The following FAM168A variants were observed in gnomAD, a reference collection of about 807,000 sequenced individuals.
FAM168A encodes the protein family with sequence similarity 168 member A.
Under a neutral mutation model 28.5 loss-of-function variants are expected in FAM168A, and 3 were observed. The ratio of observed to expected loss-of-function variants is 0.11; its 90% CI spans 0.05 to 0.27. The LOEUF is 0.27. Ranked by LOEUF, FAM168A falls within the 10% of genes least tolerant of loss-of-function variation. The pLI is 1.00. For synonymous variants in FAM168A, 122 were observed against 124.2 expected (o/e 0.98, Z 0.12); for missense variants, 222 against 311.5 (o/e 0.71, Z 2.16).
At chr11:73,550,101 C>A (rs1212353720) in intron 1 of FAM168A, among the ~76,000 whole-genome samples, 1 of 152,182 alleles carries the variant, frequency 6.6e-6, no homozygotes, top group African/African-American at 2.4e-5. Flanking sequence ...CCTCAGAATG[C>A]TCTTTATATT....
chr11:73,548,305 A>G (rs986152634), intron 1 of FAM168A, among the ~76,000 whole-genome samples: 1 of 148,876 alleles, frequency 6.7e-6, no homozygotes, highest in African/African-American at 2.6e-5. Context: ...TGAAATAGGA[A>G]GTAAGATGAT....
Position 73,402,095 on chromosome 11 carries a change from C to A in FAM168A, c.*4668G>T, listed in dbSNP as rs1866422973. 2 of 152,278 alleles carry A rather than the reference C, an allele frequency of 1.3e-5. No individual in the cohort carries two copies. Among genetic ancestry groups the A allele is most frequent in the Admixed American group, 6.5e-5 (1 of 15,294 alleles). 9.4% of individuals were successfully genotyped at this position (152,278 alleles called of 1,614,324 possible). On this transcript the variant is annotated 3_prime_UTR_variant, in exon 8 of 8. Transcript: ENST00000356467. Reference sequence around the variant, plus strand: ...GGTGGGTCCCAACTGGCCCACTCTACTACTGCCCCTCTCTGGATTCCCAAG... The same window carrying A: ...GGTGGGTCCCAACTGGCCCACTCTAATACTGCCCCTCTCTGGATTCCCAAG...
intron 2 of FAM168A, among the ~76,000 whole-genome samples, chr11:73,443,121 G>A (rs547989038): frequency 6.6e-6 from 1 of 151,298 alleles, no homozygotes; most frequent in South Asian, 2.1e-4. Flanking sequence ...TCATCCCAAA[G>A]CCTGTATCCT....
intron 6 of FAM168A, 55 bp downstream of exon 6, chr11:73,409,432 C>T: frequency 6.2e-7 from 1 of 1,603,516 alleles, no homozygotes; most frequent in African/African-American, 1.3e-5. Flanking sequence ...GTTCTCTGCT[C>T]CGTTTTGAGT....
intron 4 of FAM168A, among the ~76,000 whole-genome samples, chr11:73,413,163 C>T (rs10898919): frequency 7.2e-5 from 11 of 152,108 alleles, no homozygotes; most frequent in Admixed American, 5.9e-4. Flanking sequence ...TGGCTTAGCA[C>T]CCCCCTGCCC....
At chr11:73,433,201 C>T (rs1867027706) in intron 2 of FAM168A, among the ~76,000 whole-genome samples, 1 of 145,130 alleles carries the variant, frequency 6.9e-6, no homozygotes, top group East Asian at 2.1e-4. Flanking sequence ...GCTGGGATTA[C>T]AGGGCATTTT....
At position 73,401,043 on chromosome 11, in the gene FAM168A, T is replaced by G. The variant is rs1316152065; in HGVS notation, c.*5720A>C. 4.6e-5 allele frequency: 7 copies of G among 151,488 alleles called. No individual in the cohort carries two copies. Among genetic ancestry groups the G allele is most frequent in the Admixed American group, 1.3e-4 (2 of 15,224 alleles). 9.4% of individuals were successfully genotyped at this position (151,488 alleles called of 1,614,324 possible). ...CTGTGTTTTGAAAACACCTATAAAT[T>G]CTTTGATCAAACTACTTGGAAGACA... On this transcript the variant is annotated 3_prime_UTR_variant, in exon 8 of 8. Coordinates refer to ENST00000356467, the MANE Select transcript of FAM168A (RefSeq NM_015159.3).
chr11:73,544,566 T>A (rs1280612612), intron 1 of FAM168A, among the ~76,000 whole-genome samples: 1 of 150,056 alleles, frequency 6.7e-6, no homozygotes, highest in African/African-American at 2.5e-5. Context: ...AAAGGTGGCA[T>A]ATACATATGA....
Position 73,403,092 on chromosome 11 carries a change from A to G in FAM168A, c.*3671T>C, listed in dbSNP as rs1866441888. ...ATAAAATGGAGGACTTTGGCAACCA[A>G]TGTCAAAGTACTTTGCATACCAAAA... On this transcript the variant is annotated 3_prime_UTR_variant, in exon 8 of 8. Coordinates refer to ENST00000356467, the MANE Select transcript of FAM168A (RefSeq NM_015159.3). The G allele has an allele frequency of 6.6e-6, 1 of 152,202 alleles. No homozygotes were observed. The highest frequency in any genetic ancestry group is 6.5e-5 in the Admixed American group (1 of 15,284). 9.4% of individuals were successfully genotyped at this position (152,202 alleles called of 1,614,324 possible). A position where few individuals can be genotyped will look rare whatever the true frequency, so the allele number is the denominator to read the frequency against.
intron 1 of FAM168A, among the ~76,000 whole-genome samples, chr11:73,521,302 G>A (rs753224724): frequency 1.3e-5 from 2 of 152,030 alleles, no homozygotes; most frequent in Non-Finnish European, 2.9e-5. Context: ...CTACTATTGT[G>A]TGTACTATTG....
intron 1 of FAM168A, among the ~76,000 whole-genome samples, chr11:73,581,388 C>T (rs551525465): frequency 5.9e-5 from 9 of 152,168 alleles, no homozygotes; most frequent in Non-Finnish European, 1.0e-4. Context: ...AAACAGAATA[C>T]TTGTATATCA....
At chr11:73,574,730 T>A (rs2134726263) in intron 1 of FAM168A, among the ~76,000 whole-genome samples, 1 of 149,970 alleles carries the variant, frequency 6.7e-6, no homozygotes, top group East Asian at 2.0e-4. Flanking sequence ...TTTTTTTTTT[T>A]TTTTTTTTTT....
chr11:73,583,491 T>A (rs1434647447), intron 1 of FAM168A, among the ~76,000 whole-genome samples: 1 of 152,072 alleles, frequency 6.6e-6, no homozygotes, highest in Non-Finnish European at 1.5e-5. Context: ...CAGATACAAC[T>A]CCTGTCCACT....
intron 1 of FAM168A, among the ~76,000 whole-genome samples, chr11:73,516,636 G>A (rs1943308448): frequency 6.6e-6 from 1 of 152,114 alleles, no homozygotes; most frequent in Non-Finnish European, 1.5e-5. Flanking sequence ...AGAACTTCAT[G>A]TTAAACTTCT....
intron 1 of FAM168A, among the ~76,000 whole-genome samples, chr11:73,479,254 A>G (rs1867934085): frequency 6.6e-6 from 1 of 152,232 alleles, no homozygotes; most frequent in African/African-American, 2.4e-5. Context: ...CAGCTCTGCT[A>G]TACATACCTC....
intron 1 of FAM168A, among the ~76,000 whole-genome samples, chr11:73,560,790 T>C (rs577982966): frequency 5.9e-5 from 9 of 152,300 alleles, no homozygotes; most frequent in African/African-American, 2.2e-4. Context: ...CAGCCAGGCA[T>C]CGCTGCTCAC....
At chr11:73,521,013 T>G (rs543912072) in intron 1 of FAM168A, among the ~76,000 whole-genome samples, 2 of 152,272 alleles carry the variant, frequency 1.3e-5, no homozygotes, top group East Asian at 3.9e-4. Flanking sequence ...GAAAACTGTC[T>G]TTTACATTTG....
intron 1 of FAM168A, among the ~76,000 whole-genome samples, chr11:73,527,247 T>A (rs776152903): frequency 6.6e-5 from 10 of 152,156 alleles, no homozygotes; most frequent in Non-Finnish European, 8.8e-5. Context: ...AACGACTCCA[T>A]GGTTCCATCT....
chr11:73,530,295 C>T (rs1199875887), intron 1 of FAM168A, among the ~76,000 whole-genome samples: 1 of 152,200 alleles, frequency 6.6e-6, no homozygotes, highest in African/African-American at 2.4e-5. Context: ...TGATACGAGA[C>T]TAACCTAGGC....
Sources: gnomAD v4.1 joint callset for allele counts (sites outside exome capture counted in the v4.1 genomes callset) on GRCh38, gnomAD v4.1.1 for gene constraint, MANE v1.5 for transcripts, NCBI Gene and HGNC (gene_info 2026-07-23, HGNC 2026-07-21) for gene names.